Variants in ATXN8OS observed in about 807,000 individuals in gnomAD.
ATXN8OS encodes the protein ATXN8 opposite strand lncRNA, also known as ATXN8 opposite strand (non-protein coding).
intron 4 of ATXN8OS, among the ~76,000 whole-genome samples, chr13:70,148,381 G>A (rs543488804): frequency 4.6e-5 from 7 of 152,122 alleles, no homozygotes; most frequent in East Asian, 1.9e-4. Flanking sequence ...TTAATACAAC[G>A]AATCTCTTCT....
exon 2 of ATXN8OS, chr13:70,115,219 T>C (rs1047408801): frequency 7.5e-6 from 3 of 398,278 alleles, no homozygotes; most frequent in Admixed American, 4.4e-5. Flanking sequence ...ACACACATAG[T>C]AGAAGGCAGA....
In ATXN8OS at chr13:70,161,799, C is replaced by T. The variant is rs112332739; in HGVS notation, n.574-7954C>T. Among the ~76,000 whole-genome samples the T allele has an allele frequency of 1.4e-3, 212 of 151,704 alleles. 1 individual carries two copies. The highest frequency in any genetic ancestry group is 4.8e-3 in the African/African-American group (200 of 41,372). ...AAAAAAAATCATAGGATGTACAATG[C>T]AAACAATGAATCCTAATGTAGGTTA... On this transcript the variant is annotated intron_variant and non_coding_transcript_variant, in intron 4 of 4. Coordinates refer to ENST00000678624, the Ensembl canonical transcript of ATXN8OS.
intron 2 of ATXN8OS, among the ~76,000 whole-genome samples, chr13:70,116,080 T>C (rs1444862745): frequency 2.0e-5 from 3 of 152,060 alleles, no homozygotes; most frequent in African/African-American, 7.2e-5. Context: ...TTATCATCCT[T>C]TCATTTATTC....
intron 3 of ATXN8OS, among the ~76,000 whole-genome samples, chr13:70,145,544 T>A (rs1349014811): frequency 1.3e-5 from 2 of 152,120 alleles, no homozygotes; most frequent in East Asian, 3.9e-4. Flanking sequence ...TGGTTTGTAG[T>A]TCTCCTTGAA....
chr13:70,162,407 CA>C (rs1239169447), intron 4 of ATXN8OS, among the ~76,000 whole-genome samples: 2 of 152,102 alleles, frequency 1.3e-5, no homozygotes, highest in Admixed American at 1.3e-4. Context: ...ACCAATCCCA[CA>C]GGGAGAAATC....
chr13:70,139,315 C>T, intron 3 of ATXN8OS: 3 of 582,160 alleles, frequency 5.2e-6, no homozygotes, highest in Admixed American at 5.3e-5. Flanking sequence ...AATTCCTTGG[C>T]TAGACCCTGG....
At chr13:70,121,861 A>T (rs1888364501) in intron 2 of ATXN8OS, among the ~76,000 whole-genome samples, 1 of 152,102 alleles carries the variant, frequency 6.6e-6, no homozygotes, top group Non-Finnish European at 1.5e-5. Context: ...GAGGAATGTT[A>T]TGTGCAATTA....
chr13:70,117,107 G>A lies in ATXN8OS; in HGVS notation n.398+1809G>A, dbSNP rs1035936175. On this transcript the variant is annotated intron_variant and non_coding_transcript_variant, in intron 2 of 4. Coordinates refer to ENST00000678624, the Ensembl canonical transcript of ATXN8OS. ...ACTTGTACTTATGCAACATGAATATGTTTTATACCTAATTTACGGCATAAG... is the reference window on the plus strand; with the variant it reads ...ACTTGTACTTATGCAACATGAATATATTTTATACCTAATTTACGGCATAAG... Among the ~76,000 whole-genome samples, 4 of 152,006 alleles carry A rather than the reference G, an allele frequency of 2.6e-5. No homozygotes were observed. The East Asian group carries it at 5.8e-4, about 22-fold the overall frequency.
chr13:70,123,117 G>A (rs1214624700), intron 2 of ATXN8OS, among the ~76,000 whole-genome samples: 1 of 151,922 alleles, frequency 6.6e-6, no homozygotes, highest in East Asian at 1.9e-4. Context: ...AATTCTCCAT[G>A]ATAAATACAT....
intron 3 of ATXN8OS, among the ~76,000 whole-genome samples, chr13:70,143,685 T>C (rs1888746175): frequency 6.6e-6 from 1 of 152,168 alleles, no homozygotes. Flanking sequence ...ATAAATGTTT[T>C]TTACTATATT....
intron 3 of ATXN8OS, among the ~76,000 whole-genome samples, chr13:70,141,572 AT>A (rs1479145492): frequency 1.3e-5 from 2 of 152,144 alleles, no homozygotes; most frequent in African/African-American, 4.8e-5. Flanking sequence ...TCTGTAAGAA[AT>A]TTATATATAC....
chr13:70,137,586 T>C (rs532515964), intron 3 of ATXN8OS, among the ~76,000 whole-genome samples: 2 of 152,290 alleles, frequency 1.3e-5, no homozygotes, highest in East Asian at 3.9e-4. Flanking sequence ...TTTGAATTAT[T>C]ATAGATAATT....
chr13:70,163,479 G>A (rs991847034), intron 4 of ATXN8OS, among the ~76,000 whole-genome samples: 3 of 151,968 alleles, frequency 2.0e-5, no homozygotes, highest in Admixed American at 2.0e-4. Context: ...AGGTTTCCCT[G>A]CTGGTCTTTT....
At chr13:70,159,142 A>G (rs116064365) in intron 4 of ATXN8OS, among the ~76,000 whole-genome samples, 2,173 of 151,404 alleles carry the variant, frequency 0.014, 51 homozygotes, top group African/African-American at 0.049. Context: ...CTAATTACTA[A>G]TTAATTTATT....
intron 4 of ATXN8OS, among the ~76,000 whole-genome samples, chr13:70,147,518 G>A (rs1002175282): frequency 2.0e-5 from 3 of 152,156 alleles, no homozygotes; most frequent in African/African-American, 4.8e-5. Context: ...ATGAGTGATC[G>A]AAATTGAGCC....
chr13:70,121,204 A>C (rs899574775), intron 2 of ATXN8OS, among the ~76,000 whole-genome samples: 2 of 152,112 alleles, frequency 1.3e-5, no homozygotes, highest in Non-Finnish European at 1.5e-5. Context: ...AAATACAAGG[A>C]AATGATCAAC....
chr13:70,123,987 T>G (rs961483321), intron 2 of ATXN8OS, among the ~76,000 whole-genome samples: 1 of 152,128 alleles, frequency 6.6e-6, no homozygotes, highest in Admixed American at 6.6e-5. Flanking sequence ...AGGATTGAAT[T>G]TATTTTGTTA....
chr13:70,159,611 A>G (rs547421797), intron 4 of ATXN8OS, among the ~76,000 whole-genome samples: 1 of 152,266 alleles, frequency 6.6e-6, no homozygotes. Flanking sequence ...GCATATGTAT[A>G]CATTTGTATA....
At chr13:70,151,821 G>A (rs1262217581) in intron 4 of ATXN8OS, among the ~76,000 whole-genome samples, 2 of 152,018 alleles carry the variant, frequency 1.3e-5, no homozygotes, top group African/African-American at 4.8e-5. Context: ...CTGAATTAGT[G>A]GATTTGTTAG....
Sources: gnomAD v4.1 joint callset for allele counts (sites outside exome capture counted in the v4.1 genomes callset) on GRCh38, gnomAD v4.1.1 for gene constraint, MANE v1.5 for transcripts, NCBI Gene and HGNC (gene_info 2026-07-23, HGNC 2026-07-21) for gene names.